HIRA: variants seen among roughly 807,000 people sequenced by gnomAD.
HIRA encodes histone cell cycle regulator, also known as protein HIRA.
In HIRA, 13 loss-of-function variants were observed where a neutral mutation model predicts 126.6. The observed-to-expected ratio is 0.10, with a 90% CI of 0.07 to 0.16. The LOEUF is 0.16. Ranked by LOEUF, HIRA falls within the 10% of genes least tolerant of loss-of-function variation. HIRA has a pLI of 1.00. For synonymous variants in HIRA, 511 were observed against 520.0 expected, an observed-to-expected ratio of 0.98 and a Z score of 0.24; for missense variants, 834 against 1,314.4, an observed-to-expected ratio of 0.63 and a Z score of 5.65.
At chr22:19,412,365 G>A (rs992808295) in intron 1 of HIRA, among the ~76,000 whole-genome samples, 1 of 152,188 alleles carries the variant, frequency 6.6e-6, no homozygotes, top group African/African-American at 2.4e-5. Context: ...AGCTGAACCT[G>A]CTAAGTCCTG....
intron 1 of HIRA, among the ~76,000 whole-genome samples, chr22:19,430,556 C>CA (rs1467590143): frequency 6.6e-6 from 1 of 150,700 alleles, no homozygotes; most frequent in African/African-American, 2.4e-5. Flanking sequence ...TGTCAACAGT[C>CA]AGACAGGCCA....
At chr22:19,413,063 G>A (rs985663649) in intron 1 of HIRA, among the ~76,000 whole-genome samples, 1 of 152,140 alleles carries the variant, frequency 6.6e-6, no homozygotes, top group Non-Finnish European at 1.5e-5. Flanking sequence ...GGGACGCACG[G>A]CATGGAATCA....
chr22:19,390,356 G>T (rs1041924482), intron 9 of HIRA, among the ~76,000 whole-genome samples: 6 of 152,120 alleles, frequency 3.9e-5, no homozygotes, highest in Non-Finnish European at 8.8e-5. Context: ...ACTTTGGGAG[G>T]CCAAGGCGGG....
chr22:19,395,337 C>G (rs925392936), intron 7 of HIRA, among the ~76,000 whole-genome samples: 1 of 152,110 alleles, frequency 6.6e-6, no homozygotes, highest in African/African-American at 2.4e-5. Flanking sequence ...GTGACAGAAC[C>G]ACCCCCTACC....
chr22:19,356,527 C>T (rs980126963), intron 19 of HIRA, among the ~76,000 whole-genome samples: 1 of 152,240 alleles, frequency 6.6e-6, no homozygotes, highest in Non-Finnish European at 1.5e-5. Flanking sequence ...AGCGCCCACA[C>T]CACTTTGGGG....
chr22:19,411,711 T>C (rs1231588047), intron 1 of HIRA, among the ~76,000 whole-genome samples: 1 of 152,200 alleles, frequency 6.6e-6, no homozygotes, highest in Non-Finnish European at 1.5e-5. Context: ...AGATGGGCTG[T>C]TGCCAAGAGT....
intron 24 of HIRA, among the ~76,000 whole-genome samples, chr22:19,333,006 T>C (rs1173917464): frequency 2.6e-5 from 4 of 152,174 alleles, no homozygotes; most frequent in Non-Finnish European, 5.9e-5. Context: ...CCTCCCAGGC[T>C]CAAGTGATCC....
chr22:19,358,397 C>T (rs1340807584), intron 18 of HIRA, among the ~76,000 whole-genome samples: 1 of 152,188 alleles, frequency 6.6e-6, no homozygotes, highest in African/African-American at 2.4e-5. Context: ...GCTTGCCCCA[C>T]AGCTGCCATG....
intron 1 of HIRA, among the ~76,000 whole-genome samples, chr22:19,423,626 G>C (rs1019531277): frequency 1.3e-5 from 2 of 152,030 alleles, no homozygotes; most frequent in African/African-American, 4.8e-5. Flanking sequence ...CTCCAACGTA[G>C]GTCTATCCCT....
chr22:19,366,569 A>C (rs1467255933), intron 15 of HIRA, among the ~76,000 whole-genome samples: 2 of 152,158 alleles, frequency 1.3e-5, no homozygotes, highest in Non-Finnish European at 2.9e-5. Context: ...TCAGTGGAAA[A>C]AGTCATTACA....
chr22:19,371,792 C>T (rs1444040783), intron 15 of HIRA, among the ~76,000 whole-genome samples: 1 of 152,166 alleles, frequency 6.6e-6, no homozygotes, highest in East Asian at 1.9e-4. Context: ...TATTGTAGCA[C>T]ATGTAAGCAT....
At chr22:19,371,942 G>T (rs1356410217) in intron 15 of HIRA, among the ~76,000 whole-genome samples, 1 of 152,114 alleles carries the variant, frequency 6.6e-6, no homozygotes, top group Non-Finnish European at 1.5e-5. Context: ...ATGAGTTATT[G>T]CATGGATATA....
chr22:19,382,268 C>T (rs1474577211), intron 13 of HIRA, among the ~76,000 whole-genome samples: 1 of 152,132 alleles, frequency 6.6e-6, no homozygotes, highest in Admixed American at 6.5e-5. Flanking sequence ...GCCACCTACA[C>T]CTTCTCACCA....
chr22:19,341,016 A>G (rs1284735171), intron 24 of HIRA, among the ~76,000 whole-genome samples: 1 of 152,160 alleles, frequency 6.6e-6, no homozygotes, highest in East Asian at 1.9e-4. Flanking sequence ...AACAACCCTA[A>G]AATTCACAAG....
intron 24 of HIRA, among the ~76,000 whole-genome samples, chr22:19,335,767 T>A (rs1418684285): frequency 1.3e-5 from 2 of 152,200 alleles, no homozygotes; most frequent in African/African-American, 4.8e-5. Context: ...TCCGGCTTCA[T>A]AATAAACCCA....
intron 24 of HIRA, among the ~76,000 whole-genome samples, chr22:19,336,740 G>C (rs1486802055): frequency 6.6e-6 from 1 of 152,178 alleles, no homozygotes; most frequent in Non-Finnish European, 1.5e-5. Flanking sequence ...CCCCAGCATG[G>C]GCCCAGAGCC....
Position 19,331,074 on chromosome 22 carries a change from A to C in HIRA, c.*366T>G. ...CCGGATTCTCTCTCACAAATGGCTC[A>C]ATCGTCACTGCTGAAGCAGCATGGT... On this transcript the variant is annotated 3_prime_UTR_variant, in exon 25 of 25. Transcript: ENST00000263208. The C allele has an allele frequency of 8.9e-7, 1 of 1,123,376 alleles. No homozygotes were observed. The highest frequency in any genetic ancestry group is 1.1e-6 in the Non-Finnish European group (1 of 875,036). The allele number at this position is 1,123,376 out of a possible 1,614,324, so 69.6% of individuals were successfully genotyped here.
intron 13 of HIRA, among the ~76,000 whole-genome samples, chr22:19,380,474 C>T (rs2089062471): frequency 6.6e-6 from 1 of 152,200 alleles, no homozygotes; most frequent in Non-Finnish European, 1.5e-5. Flanking sequence ...GCACTATCTA[C>T]TCATGTGTCA....
Position 19,331,539 on chromosome 22 carries a change from C to T in HIRA, c.2955G>A (p.Glu985=), listed in dbSNP as rs1556004624. ...TGACTGGTAGCAGCTCCTTCAGCAG[C>T]TCCCTCTTCCGCAGACCCTGTGGAC... is the stretch of plus-strand genomic sequence containing the variant. ...ESTVVGLRKR[E]LLKELLPVIG... is the part of the protein sequence containing the mutation. Residue 985 remains glutamate, a synonymous_variant, in exon 25 of 25, where the codon GAG becomes GAA. Transcript: ENST00000263208. 2.5e-6 allele frequency: 4 copies of T among 1,605,296 alleles called. No homozygotes were observed. In the Admixed American group the frequency reaches 5.0e-5, roughly 20 times the overall value.
Sources: allele counts gnomAD v4.1 joint callset (sites outside exome capture counted in the v4.1 genomes callset), GRCh38; gene constraint gnomAD v4.1.1; transcripts MANE v1.5; gene names NCBI Gene and HGNC (gene_info 2026-07-23, HGNC 2026-07-21).